SNRNP200: variants seen among roughly 807,000 people sequenced by gnomAD.
SNRNP200 encodes small nuclear ribonucleoprotein U5 subunit 200.
A neutral mutation model predicts 255.2 loss-of-function variants in SNRNP200; 66 were observed. The observed-to-expected ratio is 0.26, with a 90% CI of 0.21 to 0.32. The LOEUF is 0.32. Among genes scored for constraint, SNRNP200 ranks in the 10% least tolerant of loss-of-function variants. SNRNP200 has a pLI of 1.00. For missense variants in SNRNP200, 1,585 were observed against 2,749.8 expected (o/e 0.58, Z 9.47); for synonymous variants, 939 against 1,027.8 (o/e 0.91, Z 1.65).
Position 96,299,386 on chromosome 2 carries a change from T to C in SNRNP200, c.672A>G (p.Ala224=), listed in dbSNP as rs748487657. The stretch of plus-strand genomic sequence containing the variant: ...CGTCCCCTTCCATGTCATCATCAGA[T>C]GCCTCTTCTCGAACCTCCCCGTATA... ...EDVYGEVREE[A]SDDDMEGDEA... Residue 224 remains alanine, a synonymous_variant, in exon 6 of 45, where the codon GCA becomes GCG. Transcript: ENST00000323853. The C allele has an allele frequency of 5.0e-6, 8 of 1,614,012 alleles. No individual in the cohort carries two copies. The highest frequency in any genetic ancestry group is 1.3e-5 in the African/African-American group (1 of 74,922).
intron 16 of SNRNP200, 124 bp from the exon 17 acceptor site, chr2:96,292,024 G>A (rs2063887053): frequency 9.4e-7 from 1 of 1,067,888 alleles, no homozygotes; most frequent in Admixed American, 1.9e-5. Flanking sequence ...GCAAGGGCAG[G>A]AATGTGTGCA....
intron 24 of SNRNP200, 71 bp from the exon 25 acceptor site, chr2:96,288,040 C>T (rs939471945): frequency 1.1e-5 from 15 of 1,363,582 alleles, no homozygotes; most frequent in East Asian, 4.6e-5. Context: ...ACTCTACACA[C>T]GGTTTCATTA....
At position 96,284,064 on chromosome 2, in the gene SNRNP200, GGTCCC is replaced by G; in HGVS notation, c.4393-65_4393-61del. On this transcript the variant is annotated intron_variant, in intron 31 of 44. Coordinates refer to ENST00000323853, the MANE Select transcript of SNRNP200 (RefSeq NM_014014.5). ...CCAAGGCTCCCATCCTCTGCCTGGA[GGTCCC>G]CTTTGTGAACAGCCCAACAGCCTCA... is the stretch of plus-strand genomic sequence containing the variant. The G allele has an allele frequency of 1.3e-5, 19 of 1,490,074 alleles. No homozygotes were observed. The South Asian group carries it at 2.1e-4, about 16-fold the overall frequency. The allele number at this position is 1,490,074 out of a possible 1,614,324, so 92.3% of individuals were successfully genotyped here.
Position 96,293,407 on chromosome 2 carries a change from T to C in SNRNP200, c.1945A>G (p.Ile649Val). 2 of 1,613,934 alleles carry C rather than the reference T, an allele frequency of 1.2e-6. No individual in the cohort carries two copies. The highest frequency in any genetic ancestry group is 1.7e-6 in the Non-Finnish European group (2 of 1,179,996). Reference sequence around the variant, plus strand: ...TTGGGTAGGGTGGCACTGAGACCAATGAGTCGGACATCCTCTTGGGTCATC... The same window carrying C: ...TTGGGTAGGGTGGCACTGAGACCAACGAGTCGGACATCCTCTTGGGTCATC... The part of the protein sequence containing the change: ...IEMTQEDVRL[I>V]GLSATLPNYE... Residue 649 changes from isoleucine to valine, a missense_variant, in exon 15 of 45, where the codon ATT becomes GTT. Physicochemically the swap from Ile to Val is conservative, Grantham distance 29 (BLOSUM62 3). Transcript: ENST00000323853.
Position 96,276,992 on chromosome 2 carries a change from G to A in SNRNP200, c.6093-7C>T. On this transcript the variant is annotated splice_region_variant and splice_polypyrimidine_tract_variant and intron_variant, in intron 42 of 44. Coordinates refer to ENST00000323853, the MANE Select transcript of SNRNP200 (RefSeq NM_014014.5). ...CACCACAACTGGCCCGCCACTGCAG[G>A]GGGAGAGGAGGGGCGCACGTCAGTG... is the stretch of plus-strand genomic sequence containing the variant. 4 of 1,614,098 alleles carry A rather than the reference G, an allele frequency of 2.5e-6. No homozygotes were observed. Among genetic ancestry groups the A allele is most frequent in the Non-Finnish European group, 3.4e-6 (4 of 1,180,032 alleles).
chr2:96,276,627 G>A (rs564869881), intron 43 of SNRNP200: 7 of 434,138 alleles, frequency 1.6e-5, no homozygotes, highest in South Asian at 4.0e-5. Flanking sequence ...TCACTATGTT[G>A]GCCAGGCTGG....
At position 96,289,016 on chromosome 2, in the gene SNRNP200, G is replaced by C. The variant is rs763716363; in HGVS notation, c.3174+21C>G. 3.1e-6 allele frequency: 5 copies of C among 1,588,004 alleles called. No homozygotes were observed. In the Admixed American group the frequency reaches 5.2e-5, roughly 17 times the overall value. On this transcript the variant is annotated intron_variant, in intron 23 of 44. Coordinates refer to ENST00000323853, the MANE Select transcript of SNRNP200 (RefSeq NM_014014.5). ...CCACTTAATCCTCATCCTTATCAAAGCAAAGAGGAGAGGAGCTCACCTTAG... is the reference window on the plus strand; with the variant it reads ...CCACTTAATCCTCATCCTTATCAAACCAAAGAGGAGAGGAGCTCACCTTAG...
At chr2:96,282,906 C>T (rs896386086) in intron 34 of SNRNP200, 10 of 497,464 alleles carry the variant, frequency 2.0e-5, no homozygotes, top group Non-Finnish European at 3.3e-5. Context: ...CTGGTATCCA[C>T]GGAGAATCAG....
At position 96,291,627 on chromosome 2, in the gene SNRNP200, G is replaced by T; in HGVS notation, c.2310+124C>A. ...TGTGGAATAGTAATAATCACATCCA[G>T]ACAATCAACCTTAACCCATGGGAAA... On this transcript the variant is annotated intron_variant, in intron 17 of 44. Coordinates refer to ENST00000323853, the MANE Select transcript of SNRNP200 (RefSeq NM_014014.5). This position sits in a 1 kb window ranked among gnomAD's most constrained non-coding sequence, Gnocchi z 4.2. 2 of 1,304,326 alleles carry T rather than the reference G, an allele frequency of 1.5e-6. No homozygotes were observed. The highest frequency in any genetic ancestry group is 2.2e-6 in the Non-Finnish European group (2 of 902,946). 80.8% of individuals were successfully genotyped at this position (1,304,326 alleles called of 1,614,324 possible).
intron 3 of SNRNP200, 106 bp downstream of exon 3, chr2:96,303,053 G>T: frequency 8.1e-7 from 1 of 1,235,142 alleles, no homozygotes; most frequent in Non-Finnish European, 1.2e-6. Flanking sequence ...CAACTCATCA[G>T]CATACAAAAA....
intron 2 of SNRNP200, among the ~76,000 whole-genome samples, chr2:96,304,046 A>G (rs2104366137): frequency 6.6e-6 from 1 of 152,318 alleles, no homozygotes; most frequent in South Asian, 2.1e-4. Flanking sequence ...TCAACAAAGT[A>G]TAACAAAACT....
chr2:96,292,008 A>T (rs1341390893), intron 16 of SNRNP200, 108 bp from the exon 17 acceptor site: 1 of 1,239,148 alleles, frequency 8.1e-7, no homozygotes, highest in African/African-American at 1.5e-5. Flanking sequence ...AAGGTCCTGG[A>T]GAGGGGCAAG....
In SNRNP200 at chr2:96,283,000, T is replaced by G. The variant is rs530157551; in HGVS notation, c.4915+201A>C. 1.5e-5 allele frequency: 10 copies of G among 675,778 alleles called. No homozygotes were observed. The East Asian group carries it at 2.8e-4, about 19-fold the overall frequency. 41.9% of individuals were successfully genotyped at this position (675,778 alleles called of 1,614,324 possible). ...TGATGTGTCTGCCTGTTTTCTCACC[T>G]GGCAAGTAGGGATAGTGTTTGTCTC... On this transcript the variant is annotated intron_variant, in intron 34 of 44. Coordinates refer to ENST00000323853, the MANE Select transcript of SNRNP200 (RefSeq NM_014014.5).
At chr2:96,295,764 C>G in intron 13 of SNRNP200, 106 bp from the exon 14 acceptor site, 1 of 1,164,412 alleles carries the variant, frequency 8.6e-7, no homozygotes, top group Non-Finnish European at 1.2e-6. Flanking sequence ...GGTATCAACC[C>G]ATCAGGTGAA....
At position 96,290,242 on chromosome 2, in the gene SNRNP200, C is replaced by A; in HGVS notation, c.2742+84G>T. On this transcript the variant is annotated intron_variant, in intron 20 of 44. Coordinates refer to ENST00000323853, the MANE Select transcript of SNRNP200 (RefSeq NM_014014.5). The surrounding 1 kb of genome is among the most constrained non-coding windows in gnomAD (Gnocchi z 4.5). ...TGGAAGGCCTCGGACGCTGCTGGCC[C>A]GCAGCACAATAGGGACCGACCCACT... 3 of 1,457,338 alleles carry A rather than the reference C, an allele frequency of 2.1e-6. No homozygotes were observed. Among genetic ancestry groups the A allele is most frequent in the Non-Finnish European group, 2.9e-6 (3 of 1,039,262 alleles). The allele number at this position is 1,457,338 out of a possible 1,614,324, so 90.3% of individuals were successfully genotyped here.
intron 5 of SNRNP200, 145 bp downstream of exon 5, chr2:96,300,853 G>A (rs2063948135): frequency 1.5e-6 from 1 of 688,084 alleles, no homozygotes; most frequent in Non-Finnish European, 2.6e-6. Context: ...TTAAGCAAAA[G>A]AACATATAAT....
At position 96,287,976 on chromosome 2, in the gene SNRNP200, A is replaced by G. The variant is rs2063853711; in HGVS notation, c.3259-7T>C. 1 of 1,613,876 alleles carries G rather than the reference A, an allele frequency of 6.2e-7. No homozygotes were observed. The highest frequency in any genetic ancestry group is 8.5e-7 in the Non-Finnish European group (1 of 1,179,728). On this transcript the variant is annotated splice_region_variant and splice_polypyrimidine_tract_variant and intron_variant, in intron 24 of 44. Coordinates refer to ENST00000323853, the MANE Select transcript of SNRNP200 (RefSeq NM_014014.5). This position sits in a 1 kb window ranked among gnomAD's most constrained non-coding sequence, Gnocchi z 5.7. ...GCATCAACCGGCCAGCCGACTAAGCAAAGAAGCAGCATTCCCACTGTTAAG... is the reference window on the plus strand; with the variant it reads ...GCATCAACCGGCCAGCCGACTAAGCGAAGAAGCAGCATTCCCACTGTTAAG...
rs376380377 is a variant in SNRNP200, at chr2:96,289,158, C to T, written c.3094-41G>A. On this transcript the variant is annotated intron_variant, in intron 22 of 44. Transcript: ENST00000323853. ...AAAGGTCAAGGGAAAGCCTTGTGGC[C>T]GAGGAGGGACACCATTCAGTGACTT... 51 of 1,613,680 alleles carry T rather than the reference C, an allele frequency of 3.2e-5. No individual in the cohort carries two copies. The Admixed American group carries it at 4.5e-4, about 14-fold the overall frequency.
At position 96,274,397 on chromosome 2, in the gene SNRNP200, CT is replaced by C. The variant is rs1684617448; in HGVS notation, c.*614del. The C allele has an allele frequency of 6.4e-6, 1 of 157,124 alleles. No homozygotes were observed. The highest frequency in any genetic ancestry group is 6.1e-5 in the Admixed American group (1 of 16,318). 9.7% of individuals were successfully genotyped at this position (157,124 alleles called of 1,614,324 possible). A position where few individuals can be genotyped will look rare whatever the true frequency, so the allele number is the denominator to read the frequency against. On this transcript the variant is annotated 3_prime_UTR_variant, in exon 45 of 45. Transcript: ENST00000323853. ...CATCCAGCTAGTACATTTCAGTGCCCTTTCTGGTGCTGCCTCCCAGGAGCAG... is the reference window on the plus strand; with the variant it reads ...CATCCAGCTAGTACATTTCAGTGCCCTTCTGGTGCTGCCTCCCAGGAGCAG...
Sources: allele counts gnomAD v4.1 joint callset (sites outside exome capture counted in the v4.1 genomes callset), GRCh38; gene constraint gnomAD v4.1.1; non-coding constraint Gnocchi (gnomAD v3.1); transcripts MANE v1.5; gene names NCBI Gene and HGNC (gene_info 2026-07-23, HGNC 2026-07-21).